The following ROS1 variants were observed in gnomAD, a reference collection of about 807,000 sequenced individuals.
The protein encoded by ROS1 is ROS proto-oncogene 1, receptor tyrosine kinase.
Under a neutral mutation model 273.5 loss-of-function variants are expected in ROS1, and 263 were observed. The observed-to-expected ratio is 0.96, with a 90% confidence interval of 0.87 to 1.06. ROS1 has a LOEUF of 1.06. Ranked by LOEUF, ROS1 falls within the 50% of genes least tolerant of loss-of-function variation. ROS1 has a pLI of 0.00. For synonymous variants in ROS1, 1,008 were observed against 954.1 expected (o/e 1.06, Z -1.04); for missense variants, 2,833 against 2,751.1 (o/e 1.03, Z -0.67).
In ROS1 at chr6:117,359,842, A is replaced by G. The variant is rs1779638159; in HGVS notation, c.3600T>C (p.Phe1200=). The G allele has an allele frequency of 1.2e-6, 2 of 1,613,846 alleles. No individual in the cohort carries two copies. The highest frequency in any genetic ancestry group is 2.2e-5 in the East Asian group (1 of 44,878). Residue 1200 remains phenylalanine, a synonymous_variant, in exon 24 of 44, where the codon TTT becomes TTC. Transcript: ENST00000368507. ...MGYYAEGDSL[F]LLHLHNRSSS... ...TAGAGCGATTGTGCAAGTGCAGAAGAAAGAGTGAGTCCCCTTCAGCATAAT... is the reference window on the plus strand; with the variant it reads ...TAGAGCGATTGTGCAAGTGCAGAAGGAAGAGTGAGTCCCCTTCAGCATAAT...
At chr6:117,315,506 T>A (rs150276033) in intron 39 of ROS1, among the ~76,000 whole-genome samples, 1 of 151,946 alleles carries the variant, frequency 6.6e-6, no homozygotes, top group South Asian at 2.1e-4. Flanking sequence ...GGAATCAGAG[T>A]GGCATAAGAA....
Position 117,373,742 on chromosome 6 carries a change from C to T in ROS1, c.2582+5317G>A, listed in dbSNP as rs369079132. On this transcript the variant is annotated intron_variant, in intron 18 of 43. Coordinates refer to ENST00000368507, the MANE Select transcript of ROS1 (RefSeq NM_001378902.1). Reference sequence around the variant, plus strand: ...CCAGAGAGGGGCTACCACAGTGCAGCGGCAGCCTGAAGGGCTCCTCAAGCA... The same window carrying T: ...CCAGAGAGGGGCTACCACAGTGCAGTGGCAGCCTGAAGGGCTCCTCAAGCA... 1.4e-3 allele frequency among the ~76,000 whole-genome samples: 219 copies of T among 152,338 alleles called. No individual in the cohort carries two copies. In the South Asian group the frequency reaches 0.016, roughly 11 times the overall value.
chr6:117,290,581 G>C (rs1362713614), intron 43 of ROS1, among the ~76,000 whole-genome samples: 1 of 152,164 alleles, frequency 6.6e-6, no homozygotes, highest in Non-Finnish European at 1.5e-5. Context: ...TTACAGACTA[G>C]ACATATGCCG....
At chr6:117,424,694 A>G (rs929570373) in intron 1 of ROS1, among the ~76,000 whole-genome samples, 3 of 151,968 alleles carry the variant, frequency 2.0e-5, no homozygotes, top group African/African-American at 7.2e-5. Flanking sequence ...AGTTTAAATC[A>G]AAAGTGTATA....
intron 40 of ROS1, among the ~76,000 whole-genome samples, chr6:117,310,789 C>T (rs371302494): frequency 3.3e-5 from 5 of 152,114 alleles, no homozygotes; most frequent in South Asian, 2.1e-4. Flanking sequence ...AGTCTATCAT[C>T]GATGGGCATT....
At chr6:117,388,059 C>A in intron 13 of ROS1, 67 bp from the exon 14 acceptor site, 1 of 1,603,404 alleles carries the variant, frequency 6.2e-7, no homozygotes, top group Non-Finnish European at 8.5e-7. Context: ...CAAGGATTCT[C>A]CATAAATTCA....
Position 117,287,568 on chromosome 6 carries a change from A to G in ROS1, c.*924T>C, listed in dbSNP as rs1773526966. On this transcript the variant is annotated 3_prime_UTR_variant, in exon 44 of 44. Transcript: ENST00000368507. ...AGATCTTCACAGTCTTATTTTCAACATGACTGAATCTACTGTTGTAAGCCT... is the reference window on the plus strand; with the variant it reads ...AGATCTTCACAGTCTTATTTTCAACGTGACTGAATCTACTGTTGTAAGCCT... Among the ~76,000 whole-genome samples, 1 of 152,230 alleles carries G rather than the reference A, an allele frequency of 6.6e-6. No individual in the cohort carries two copies. Among genetic ancestry groups the G allele is most frequent in the African/African-American group, 2.4e-5 (1 of 41,458 alleles).
chr6:117,420,435 TG>T (rs931883764), intron 1 of ROS1, among the ~76,000 whole-genome samples: 3 of 70,824 alleles, frequency 4.2e-5, no homozygotes, highest in African/African-American at 1.7e-4. Flanking sequence ...TGTTGTGGGG[TG>T]GGGGGAGGGG....
At chr6:117,306,030 G>GTTTT (rs78945275) in intron 42 of ROS1, among the ~76,000 whole-genome samples, 59 of 123,064 alleles carry the variant, frequency 4.8e-4, no homozygotes, top group Non-Finnish European at 5.8e-4. Flanking sequence ...TTCTCCTCAA[G>GTTTT]TTTTTTTTTT....
intron 33 of ROS1, 24 bp downstream of exon 33, chr6:117,329,304 AC>A (rs778077120): frequency 2.0e-6 from 2 of 1,023,170 alleles, no homozygotes; most frequent in East Asian, 4.8e-5. Flanking sequence ...TTTGTCATTT[AC>A]AAGTACTTTG....
At chr6:117,336,240 G>A (rs1000827459) in intron 32 of ROS1, among the ~76,000 whole-genome samples, 2 of 151,956 alleles carry the variant, frequency 1.3e-5, no homozygotes, top group African/African-American at 4.8e-5. Context: ...ATGTCCCATG[G>A]TGGTTTACTA....
At chr6:117,419,085 C>T (rs1345015545) in intron 1 of ROS1, among the ~76,000 whole-genome samples, 1 of 152,170 alleles carries the variant, frequency 6.6e-6, no homozygotes, top group Non-Finnish European at 1.5e-5. Flanking sequence ...ATCAGATAAT[C>T]TGGGCCATCA....
chr6:117,340,098 T>C (rs931853646), intron 31 of ROS1, among the ~76,000 whole-genome samples: 1 of 152,152 alleles, frequency 6.6e-6, no homozygotes, highest in Non-Finnish European at 1.5e-5. Context: ...CTAAAATAGA[T>C]GTTATTTTAA....
intron 5 of ROS1, among the ~76,000 whole-genome samples, chr6:117,406,468 C>T (rs1210432941): frequency 6.6e-6 from 1 of 152,054 alleles, no homozygotes; most frequent in Admixed American, 6.5e-5. Flanking sequence ...AGACTTGGTA[C>T]ATCTCATTTG....
intron 15 of ROS1, among the ~76,000 whole-genome samples, chr6:117,386,580 T>C (rs572479084): frequency 6.6e-6 from 1 of 152,358 alleles, no homozygotes; most frequent in Admixed American, 6.5e-5. Flanking sequence ...ATAACTGTCT[T>C]AGTGGAACAA....
intron 31 of ROS1, 86 bp from the exon 32 acceptor site, chr6:117,337,426 G>T (rs1039868909): frequency 2.0e-6 from 2 of 1,005,312 alleles, no homozygotes; most frequent in Non-Finnish European, 2.9e-6. Context: ...ATAGCAAGTG[G>T]TTAAAATTTA....
At chr6:117,402,089 G>A (rs9387473) in intron 7 of ROS1, among the ~76,000 whole-genome samples, 9,681 of 152,030 alleles carry the variant, frequency 0.064, 382 homozygotes, top group Middle Eastern at 0.095. Flanking sequence ...GCATCAGATC[G>A]TGTCACTCCT....
intron 43 of ROS1, among the ~76,000 whole-genome samples, chr6:117,294,500 T>C (rs1038609410): frequency 6.6e-6 from 1 of 152,204 alleles, no homozygotes; most frequent in Non-Finnish European, 1.5e-5. Flanking sequence ...TCATGTGTTC[T>C]TGGATTTGGC....
At chr6:117,377,476 G>T (rs1213257619) in intron 18 of ROS1, among the ~76,000 whole-genome samples, 3 of 151,998 alleles carry the variant, frequency 2.0e-5, no homozygotes, top group Admixed American at 2.0e-4. Context: ...TTCAGCAAAT[G>T]GCGCTAGAAC....
Sources: gnomAD v4.1 joint callset for allele counts (sites outside exome capture counted in the v4.1 genomes callset) on GRCh38, gnomAD v4.1.1 for gene constraint, MANE v1.5 for transcripts, NCBI Gene and HGNC (gene_info 2026-07-23, HGNC 2026-07-21) for gene names.